CSMD1: variants seen among roughly 807,000 people sequenced by gnomAD.
CSMD1 encodes the protein CUB and sushi domain-containing protein 1.
CSMD1 carries 213 observed loss-of-function variants against 417.5 expected under a neutral mutation model. The ratio of observed to expected loss-of-function variants is 0.51; its 90% confidence interval spans 0.46 to 0.57. CSMD1 has a LOEUF of 0.57. Ranked by LOEUF, CSMD1 falls within the 20% of genes least tolerant of loss-of-function variation. The probability of loss-of-function intolerance (pLI) is 0.00; values close to 1 mark genes in which losing one functional copy is unlikely to be tolerated. For synonymous variants in CSMD1, 2,862 were observed against 1,736.8 expected (o/e 1.65, Z -16.11); for missense variants, 6,923 against 4,529.7 (o/e 1.53, Z -15.17).
chr8:3,370,230 T>C (rs1032437987), intron 18 of CSMD1, among the ~76,000 whole-genome samples: 2 of 152,238 alleles, frequency 1.3e-5, no homozygotes, highest in East Asian at 1.9e-4. Flanking sequence ...TTTCTTCTTT[T>C]ATTTCATATC....
intron 5 of CSMD1, among the ~76,000 whole-genome samples, chr8:3,986,792 G>C (rs556300294): frequency 6.6e-6 from 1 of 152,046 alleles, no homozygotes; most frequent in East Asian, 1.9e-4. Flanking sequence ...GTCTCACCCT[G>C]TTGCCCAGGC....
intron 5 of CSMD1, among the ~76,000 whole-genome samples, chr8:3,982,282 C>A (rs1051472346): frequency 6.6e-6 from 1 of 151,474 alleles, no homozygotes; most frequent in South Asian, 2.1e-4. Flanking sequence ...TCCTGGTCTA[C>A]ATTCCTGAGT....
At chr8:3,256,324 AAG>A (rs1443949887) in intron 26 of CSMD1, among the ~76,000 whole-genome samples, 1 of 55,748 alleles carries the variant, frequency 1.8e-5, no homozygotes, top group Non-Finnish European at 4.0e-5. Context: ...AAAAAAAAAA[AAG>A]AGAAGAAAGG....
At chr8:3,533,006 A>C (rs1236817126) in intron 10 of CSMD1, among the ~76,000 whole-genome samples, 2 of 152,228 alleles carry the variant, frequency 1.3e-5, no homozygotes, top group Non-Finnish European at 2.9e-5. Flanking sequence ...ACTCATAACA[A>C]ATTAAGTGAA....
chr8:4,791,354 G>C (rs572786001), intron 1 of CSMD1, among the ~76,000 whole-genome samples: 2 of 152,230 alleles, frequency 1.3e-5, no homozygotes, highest in African/African-American at 4.8e-5. Context: ...TCCTTTCTTT[G>C]ACAATGTTTT....
At chr8:3,867,694 C>T (rs1003381283) in intron 5 of CSMD1, among the ~76,000 whole-genome samples, 39 of 152,074 alleles carry the variant, frequency 2.6e-4, no homozygotes, top group African/African-American at 9.4e-4. Flanking sequence ...CCATGTACTA[C>T]ACTTAACTCA....
chr8:3,525,143 G>C (rs1236022917), intron 10 of CSMD1, among the ~76,000 whole-genome samples: 2 of 152,104 alleles, frequency 1.3e-5, no homozygotes, highest in African/African-American at 4.8e-5. Context: ...CATACAGTGA[G>C]TCTTGAGTCT....
At chr8:3,049,480 T>A (rs1811670672) in intron 50 of CSMD1, among the ~76,000 whole-genome samples, 1 of 152,108 alleles carries the variant, frequency 6.6e-6, no homozygotes. Flanking sequence ...GAAGCCAATC[T>A]GAAAGGCTAG....
intron 1 of CSMD1, among the ~76,000 whole-genome samples, chr8:4,972,832 T>C (rs1252086836): frequency 6.6e-6 from 1 of 152,154 alleles, no homozygotes; most frequent in East Asian, 1.9e-4. Flanking sequence ...TTCCTGAATA[T>C]TGCCCAGTAT....
chr8:4,354,111 C>T (rs1801258986), intron 3 of CSMD1, among the ~76,000 whole-genome samples: 1 of 152,110 alleles, frequency 6.6e-6, no homozygotes, highest in Non-Finnish European at 1.5e-5. Flanking sequence ...CGTTAACTTG[C>T]CCAAGAACGC....
At chr8:4,430,697 G>T (rs1404543280) in intron 2 of CSMD1, among the ~76,000 whole-genome samples, 2 of 151,908 alleles carry the variant, frequency 1.3e-5, no homozygotes, top group African/African-American at 2.4e-5. Context: ...TAGACTATCG[G>T]AAACAAAAAA....
chr8:3,649,850 T>A lies in CSMD1; in HGVS notation c.1010-33053A>T, dbSNP rs192076532. Reference sequence around the variant, plus strand: ...GATTTTGCAATACCTTGCTAGATGTTTTCTCAATGTTTAACCTATGTACAC... The same window carrying A: ...GATTTTGCAATACCTTGCTAGATGTATTCTCAATGTTTAACCTATGTACAC... On this transcript the variant is annotated intron_variant, in intron 7 of 69. Transcript: ENST00000635120. 3.2e-3 allele frequency among the ~76,000 whole-genome samples: 491 copies of A among 152,344 alleles called. 2 individuals are homozygous for A. Among genetic ancestry groups the A allele is most frequent in the African/African-American group, 0.011 (471 of 41,580 alleles).
intron 10 of CSMD1, 27 bp from the exon 11 acceptor site, chr8:3,493,753 T>A (rs764196464): frequency 6.4e-7 from 1 of 1,565,364 alleles, no homozygotes; most frequent in Non-Finnish European, 8.7e-7. Context: ...AAACAGTGAC[T>A]TAGAACAACA....
At chr8:3,554,785 G>C (rs140387696) in intron 10 of CSMD1, among the ~76,000 whole-genome samples, 59 of 152,292 alleles carry the variant, frequency 3.9e-4, no homozygotes, top group African/African-American at 1.4e-3. Context: ...TACAAAGTAA[G>C]CAGAAGAGAT....
At chr8:4,958,142 T>C (rs1291831708) in intron 1 of CSMD1, among the ~76,000 whole-genome samples, 3 of 152,198 alleles carry the variant, frequency 2.0e-5, no homozygotes, top group East Asian at 1.9e-4. Context: ...TTAGAACATA[T>C]GTTTCCCTCA....
At chr8:3,949,090 T>G (rs748124804) in intron 5 of CSMD1, among the ~76,000 whole-genome samples, 1 of 152,318 alleles carries the variant, frequency 6.6e-6, no homozygotes, top group African/African-American at 2.4e-5. Context: ...AAATACAAAT[T>G]ATACCTATTT....
At chr8:4,586,531 G>A (rs1424556238) in intron 2 of CSMD1, among the ~76,000 whole-genome samples, 2 of 152,066 alleles carry the variant, frequency 1.3e-5, no homozygotes, top group African/African-American at 4.8e-5. Flanking sequence ...CAATTTTCCA[G>A]GAAAAATCAA....
At chr8:4,406,561 C>T (rs74899687) in intron 3 of CSMD1, among the ~76,000 whole-genome samples, 1 of 152,118 alleles carries the variant, frequency 6.6e-6, no homozygotes, top group East Asian at 1.9e-4. Flanking sequence ...GTCCTGCCTT[C>T]TGTAGGCATA....
At chr8:4,439,105 TAATC>T (rs941422924) in intron 2 of CSMD1, among the ~76,000 whole-genome samples, 19 of 152,186 alleles carry the variant, frequency 1.2e-4, no homozygotes, top group Non-Finnish European at 1.6e-4. Flanking sequence ...TGGTTCACAC[TAATC>T]AATCAAATCA....
Sources: gnomAD v4.1 joint callset for allele counts (sites outside exome capture counted in the v4.1 genomes callset) on GRCh38, gnomAD v4.1.1 for gene constraint, MANE v1.5 for transcripts, NCBI Gene and HGNC (gene_info 2026-07-23, HGNC 2026-07-21) for gene names.